UBR2: variants seen among roughly 807,000 people sequenced by gnomAD.
The protein encoded by UBR2 is ubiquitin protein ligase E3 component n-recognin 2, also known as E3 ubiquitin-protein ligase UBR2.
Under a neutral mutation model 247.9 loss-of-function variants are expected in UBR2, and 92 were observed. The ratio of observed to expected loss-of-function variants is 0.37; its 90% confidence interval spans 0.31 to 0.44. UBR2 has a LOEUF of 0.44. UBR2 is among the 20% of genes least tolerant of loss of function. UBR2 has a pLI of 1.00. For synonymous variants in UBR2, 672 were observed against 693.5 expected (o/e 0.97, Z 0.49); for missense variants, 1,613 against 2,112.6 (o/e 0.76, Z 4.64).
chr6:42,584,559 A>G (rs1792132797), intron 2 of UBR2, among the ~76,000 whole-genome samples: 2 of 152,196 alleles, frequency 1.3e-5, no homozygotes, highest in Non-Finnish European at 2.9e-5. Flanking sequence ...AAGAAAGACT[A>G]CCAAGATTAA....
chr6:42,674,617 C>T (rs1798618749), intron 38 of UBR2, among the ~76,000 whole-genome samples: 1 of 152,054 alleles, frequency 6.6e-6, no homozygotes, highest in South Asian at 2.1e-4. Flanking sequence ...AAAAAATTAG[C>T]TGGGCGTGGT....
rs746611993 is a variant in UBR2, at chr6:42,658,336, A to T, written c.3063+16A>T. 4 of 1,599,710 alleles carry T rather than the reference A, an allele frequency of 2.5e-6. No individual in the cohort carries two copies. In the South Asian group the frequency reaches 3.4e-5, roughly 14 times the overall value. On this transcript the variant is annotated intron_variant, in intron 28 of 46. Transcript: ENST00000372901. ...AATGGAAGAGGTATAAACAGTAAAAAGTGTGATAATACTAAAAAATTACAG... is the reference window on the plus strand; with the variant it reads ...AATGGAAGAGGTATAAACAGTAAAATGTGTGATAATACTAAAAAATTACAG...
At position 42,659,692 on chromosome 6, in the gene UBR2, C is replaced by A. The variant is rs6916713; in HGVS notation, c.3279C>A (p.Gly1093=). The change falls in exon 30 of 47, where the codon GGC becomes GGA. Residue 1093 remains glycine, a synonymous_variant. Coordinates refer to ENST00000372901, the MANE Select transcript of UBR2 (RefSeq NM_001363705.2). The surrounding 1 kb of genome is among the most constrained non-coding windows in gnomAD (Gnocchi z 4.3). ...VASDMTLTAL[G]PAQTQVPEQR... is the part of the protein sequence containing the mutation. ...CAGATATGACACTTACAGCACTGGG[C>A]CCCGCACAAACTCAGGTTCCTGAAC... 2.5e-6 allele frequency: 4 copies of A among 1,613,004 alleles called. No homozygotes were observed. Among genetic ancestry groups the A allele is most frequent in the Non-Finnish European group, 3.4e-6 (4 of 1,179,506 alleles).
At chr6:42,645,396 A>G in intron 20 of UBR2, 70 bp from the exon 21 acceptor site, 3 of 1,380,830 alleles carry the variant, frequency 2.2e-6, no homozygotes, top group Admixed American at 3.7e-5. Context: ...TGCATGAATT[A>G]TAAGTATATA....
intron 2 of UBR2, among the ~76,000 whole-genome samples, chr6:42,579,420 C>T (rs1791733731): frequency 6.6e-6 from 1 of 152,194 alleles, no homozygotes; most frequent in African/African-American, 2.4e-5. Context: ...TACAATTCAA[C>T]ATGAGATTTA....
chr6:42,668,922 CTT>C (rs147433511), intron 34 of UBR2, among the ~76,000 whole-genome samples: 5 of 148,276 alleles, frequency 3.4e-5, no homozygotes, highest in Admixed American at 1.3e-4. Context: ...TCTATTACTA[CTT>C]TTTTTTTTTC....
chr6:42,644,409 C>A, intron 19 of UBR2, 64 bp from the exon 20 acceptor site: 1 of 1,603,868 alleles, frequency 6.2e-7, no homozygotes, highest in South Asian at 1.1e-5. Context: ...ATATGTTAAT[C>A]CTCTGAGATT....
At chr6:42,675,535 C>A (rs1230810618) in intron 38 of UBR2, among the ~76,000 whole-genome samples, 1 of 152,178 alleles carries the variant, frequency 6.6e-6, no homozygotes, top group East Asian at 1.9e-4. Flanking sequence ...TCATAGTGCC[C>A]ATCAAGAGTC....
At chr6:42,614,424 A>ATACATACATACG (rs143366431) in intron 8 of UBR2, among the ~76,000 whole-genome samples, 1 of 87,824 alleles carries the variant, frequency 1.1e-5, no homozygotes, top group Non-Finnish European at 2.3e-5. Context: ...ACGTACGTAC[A>ATACATACATACG]TATATATGTA....
At chr6:42,617,785 G>A (rs537741108) in intron 11 of UBR2, among the ~76,000 whole-genome samples, 124 of 152,248 alleles carry the variant, frequency 8.1e-4, no homozygotes, top group Non-Finnish European at 1.4e-3. Context: ...CTGAGATTTT[G>A]AACTGATTAG....
rs778166506 is a variant in UBR2, at chr6:42,673,842, G to A, written c.4138G>A (p.Ala1380Thr). ...TRFAAAHWTV[A>T]SVSVVQGHFC... ...ATTTGCCGCAGCACACTGGACAGTG[G>A]CATCAGTTTCAGTGGTGCAAGGACA... The change falls in exon 37 of 47, where the codon GCA (alanine) becomes ACA (threonine). Residue 1380 changes from alanine to threonine, a missense_variant. Physicochemically the swap from Ala to Thr is moderately conservative, Grantham distance 58 (BLOSUM62 0). Transcript: ENST00000372901. The A allele has an allele frequency of 3.7e-6, 6 of 1,613,990 alleles. No individual in the cohort carries two copies. Among genetic ancestry groups the A allele is most frequent in the East Asian group, 2.2e-5 (1 of 44,892 alleles).
At chr6:42,625,963 G>A (rs187449033) in intron 11 of UBR2, among the ~76,000 whole-genome samples, 3 of 151,586 alleles carry the variant, frequency 2.0e-5, no homozygotes, top group African/African-American at 4.8e-5. Flanking sequence ...ACAGGCACCC[G>A]CCACCATGCC....
Position 42,659,559 on chromosome 6 carries a change from A to G in UBR2, c.3243-97A>G. Reference sequence around the variant, plus strand: ...CACACACACACACACACACACACACACACTACACACACACACACATACCTG... The same window carrying G: ...CACACACACACACACACACACACACGCACTACACACACACACACATACCTG... On this transcript the variant is annotated intron_variant, in intron 29 of 46. Coordinates refer to ENST00000372901, the MANE Select transcript of UBR2 (RefSeq NM_001363705.2). This position sits in a 1 kb window ranked among gnomAD's most constrained non-coding sequence, Gnocchi z 4.3. 2 of 730,232 alleles carry G rather than the reference A, an allele frequency of 2.7e-6. No individual in the cohort carries two copies. The highest frequency in any genetic ancestry group is 2.2e-6 in the Non-Finnish European group (1 of 455,076). 45.2% of individuals were successfully genotyped at this position (730,232 alleles called of 1,614,324 possible). A position where few individuals can be genotyped will look rare whatever the true frequency, so the allele number is the denominator to read the frequency against.
intron 7 of UBR2, among the ~76,000 whole-genome samples, 179 bp downstream of exon 7, chr6:42,606,830 A>G (rs1005840730): frequency 6.6e-6 from 1 of 152,180 alleles, no homozygotes; most frequent in Non-Finnish European, 1.5e-5. Flanking sequence ...GCTGTGTAGG[A>G]TTGATATAGA....
rs1288749884 is a variant in UBR2, at chr6:42,663,366, C to T, written c.3645C>T (p.Cys1215=). 1.2e-6 allele frequency: 2 copies of T among 1,613,564 alleles called. No homozygotes were observed. The highest frequency in any genetic ancestry group is 8.5e-7 in the Non-Finnish European group (1 of 1,179,812). The part of the protein sequence containing the change: ...NGEFLCPLCE[C]LSNTVIPLLL... ...AATTCCTTTGCCCCCTTTGTGAATG[C>T]TTGAGTAATACTGTTATTCCTCTGC... Residue 1215 remains cysteine, a synonymous_variant, in exon 32 of 47, where the codon TGC becomes TGT. Transcript: ENST00000372901.
intron 4 of UBR2, among the ~76,000 whole-genome samples, chr6:42,598,776 C>T (rs1166356913): frequency 6.6e-6 from 1 of 152,070 alleles, no homozygotes; most frequent in Non-Finnish European, 1.5e-5. Flanking sequence ...GGAAAAAGAG[C>T]CAGATGGTTG....
chr6:42,650,426 A>G, intron 23 of UBR2, 40 bp downstream of exon 23: 1 of 1,539,822 alleles, frequency 6.5e-7, no homozygotes, highest in Non-Finnish European at 8.9e-7. Flanking sequence ...GAAGGATTGC[A>G]TTGTTTTTCT....
chr6:42,601,688 C>CAA (rs370998275), intron 4 of UBR2, among the ~76,000 whole-genome samples: 153 of 117,330 alleles, frequency 1.3e-3, no homozygotes, highest in Middle Eastern at 4.5e-3. Flanking sequence ...AACTCTAGCT[C>CAA]AAAAAAAAAA....
At chr6:42,597,997 T>C (rs1299851513) in intron 4 of UBR2, among the ~76,000 whole-genome samples, 1 of 152,166 alleles carries the variant, frequency 6.6e-6, no homozygotes, top group Non-Finnish European at 1.5e-5. Context: ...CCAGTAACTG[T>C]TGAACATAAT....
Sources: allele counts gnomAD v4.1 joint callset (sites outside exome capture counted in the v4.1 genomes callset), GRCh38; gene constraint gnomAD v4.1.1; non-coding constraint Gnocchi (gnomAD v3.1); transcripts MANE v1.5; gene names NCBI Gene and HGNC (gene_info 2026-07-23, HGNC 2026-07-21).